Variants in PDGFA observed in about 807,000 individuals in gnomAD.
The protein encoded by PDGFA is platelet derived growth factor subunit A, also known as platelet-derived growth factor subunit A.
PDGFA carries 9 observed loss-of-function variants against 25.6 expected under a neutral mutation model. The observed-to-expected ratio is 0.35, with a 90% CI of 0.21 to 0.61. The LOEUF (loss-of-function observed/expected upper bound fraction) is 0.61. PDGFA is among the 20% of genes least tolerant of loss of function. PDGFA has a pLI of 0.75. For missense variants in PDGFA, 242 were observed against 272.8 expected (o/e 0.89, Z 0.79); for synonymous variants, 133 against 111.8 (o/e 1.19, Z -1.20).
At chr7:511,282 T>A (rs1234973749) in intron 3 of PDGFA, among the ~76,000 whole-genome samples, 625 of 44,092 alleles carry the variant, frequency 0.014, 3 homozygotes, top group Non-Finnish European at 0.02. Context: ...GTGGGGCCAG[T>A]GGCTGGGGGT....
chr7:519,059 A>T (rs890265689), exon 1 of PDGFA: 1 of 1,381,612 alleles, frequency 7.2e-7, no homozygotes, highest in African/African-American at 1.5e-5. Context: ...CGGGCGCTCC[A>T]GCCGGTCTCC....
chr7:518,408 C>A (rs1044515860), intron 1 of PDGFA: 1 of 152,784 alleles, frequency 6.5e-6, no homozygotes, highest in Non-Finnish European at 1.5e-5. Context: ...CAGCTCGCCT[C>A]GCTCAGCCAC....
chr7:520,496 G>C (rs1347424775), upstream of PDGFA: 1 of 152,870 alleles, frequency 6.5e-6, no homozygotes, highest in East Asian at 1.9e-4. Flanking sequence ...CTCCAGTCGG[G>C]GAAAGGGCCT....
chr7:499,719 T>TCCCCCCC (rs1782240124), intron 5 of PDGFA, among the ~76,000 whole-genome samples: 3 of 23,832 alleles, frequency 1.3e-4, no homozygotes, highest in African/African-American at 8.0e-4. Context: ...TATTTTGCCC[T>TCCCCCCC]TCCCCCCCCC....
chr7:510,485 T>C (rs1239017327), intron 4 of PDGFA, among the ~76,000 whole-genome samples: 1 of 105,546 alleles, frequency 9.5e-6, no homozygotes, highest in Non-Finnish European at 1.9e-5. Flanking sequence ...GGCCCCGGGC[T>C]CGGGTGGGGA....
intron 4 of PDGFA, among the ~76,000 whole-genome samples, chr7:501,609 G>C (rs1165608762): frequency 6.6e-6 from 1 of 152,098 alleles, no homozygotes; most frequent in African/African-American, 2.4e-5. Context: ...GTGTGGAAGA[G>C]ATGAGATCTC....
Position 500,380 on chromosome 7 carries a change from G to C in PDGFA, c.580+736C>G. 6.3e-6 allele frequency: 10 copies of C among 1,589,876 alleles called. No homozygotes were observed. The highest frequency in any genetic ancestry group is 5.5e-5 in the South Asian group (5 of 90,596). On this transcript the variant is annotated intron_variant, in intron 5 of 5. Transcript: ENST00000402802. The surrounding 1 kb of genome is among the most constrained non-coding windows in gnomAD (Gnocchi z 5.0). ...CGTGATTTGCTGGTGTGATCAGTCAGTTGCACCTCCCCGCCCTGCAGGACT... is the reference window on the plus strand; with the variant it reads ...CGTGATTTGCTGGTGTGATCAGTCACTTGCACCTCCCCGCCCTGCAGGACT...
In PDGFA at chr7:498,682, C is replaced by G. The variant is rs1583134624; in HGVS notation, c.581-108G>C. On this transcript the variant is annotated intron_variant, in intron 5 of 5. Transcript: ENST00000402802. Reference sequence around the variant, plus strand: ...ACAGGGTGAAAACATTTAACCCAATCAGGGGCACACAGGGATTTCAAGTTT... The same window carrying G: ...ACAGGGTGAAAACATTTAACCCAATGAGGGGCACACAGGGATTTCAAGTTT... The G allele has an allele frequency of 2.1e-5, 20 of 970,348 alleles. No homozygotes were observed. In the East Asian group the frequency reaches 5.2e-4, roughly 25 times the overall value. The allele number at this position is 970,348 out of a possible 1,614,324, so 60.1% of individuals were successfully genotyped here.
At chr7:509,989 G>GC (rs1469387830) in intron 4 of PDGFA, among the ~76,000 whole-genome samples, 1 of 152,052 alleles carries the variant, frequency 6.6e-6, no homozygotes, top group Non-Finnish European at 1.5e-5. Flanking sequence ...AGCCGGGGGG[G>GC]CCCTCCAAAG....
exon 6 of PDGFA, chr7:497,888 A>C (rs1320218462): frequency 7.0e-6 from 1 of 142,054 alleles, no homozygotes; most frequent in Non-Finnish European, 1.5e-5. Flanking sequence ...AAAAAAAAAA[A>C]AAAAGCTAGC....
At chr7:516,047 C>G (rs1783079582) in intron 2 of PDGFA, among the ~76,000 whole-genome samples, 1 of 68,174 alleles carries the variant, frequency 1.5e-5, no homozygotes, top group Admixed American at 1.6e-4. Flanking sequence ...GCAGCCCCCC[C>G]CCCCCACTTT....
At chr7:508,590 T>TAAAAAAAAAAACCC (rs1275774675) in intron 4 of PDGFA, among the ~76,000 whole-genome samples, 2 of 130,896 alleles carry the variant, frequency 1.5e-5, no homozygotes, top group Non-Finnish European at 3.2e-5. Context: ...AAAAAAAAAT[T>TAAAAAAAAAAACCC]CTCAGCTGAG....
intron 4 of PDGFA, among the ~76,000 whole-genome samples, chr7:508,232 CTAAAGT>C (rs1449953679): frequency 3.9e-5 from 6 of 152,008 alleles, no homozygotes; most frequent in Non-Finnish European, 5.9e-5. Flanking sequence ...TAATTCTTTT[CTAAAGT>C]TAAAGAATGG....
chr7:499,146 G>T (rs552472829), intron 5 of PDGFA, among the ~76,000 whole-genome samples: 15 of 152,316 alleles, frequency 9.8e-5, no homozygotes, highest in African/African-American at 3.4e-4. Flanking sequence ...TCTCACCATG[G>T]GGTCTGTCAC....
intron 2 of PDGFA, among the ~76,000 whole-genome samples, chr7:516,615 C>T (rs1783114788): frequency 6.6e-6 from 1 of 152,212 alleles, no homozygotes; most frequent in Non-Finnish European, 1.5e-5. Flanking sequence ...AAGGGGCTCT[C>T]TAGCCCTGAG....
At chr7:515,738 G>T (rs1378728950) in intron 2 of PDGFA, among the ~76,000 whole-genome samples, 1 of 150,492 alleles carries the variant, frequency 6.6e-6, no homozygotes, top group African/African-American at 2.4e-5. Flanking sequence ...ATTTGAAACC[G>T]GCCAGGACTA....
At chr7:503,971 G>A (rs987545186) in intron 4 of PDGFA, among the ~76,000 whole-genome samples, 40 of 152,126 alleles carry the variant, frequency 2.6e-4, no homozygotes, top group Non-Finnish European at 5.4e-4. Context: ...CACTCCCGCG[G>A]CAATCTGCCC....
chr7:501,328 AG>A (rs1346552671), intron 4 of PDGFA, 86 bp from the exon 5 acceptor site: 1 of 1,551,784 alleles, frequency 6.4e-7, no homozygotes, highest in South Asian at 1.1e-5. Flanking sequence ...ACAGGCTGAG[AG>A]GGAGGAGAGA....
exon 5 of PDGFA, chr7:501,119 T>C: frequency 1.2e-6 from 2 of 1,614,224 alleles, no homozygotes; most frequent in Non-Finnish European, 1.7e-6. Context: ...CACTCACCCG[T>C]GTCCTCTTCC....
Sources: allele counts gnomAD v4.1 joint callset (sites outside exome capture counted in the v4.1 genomes callset), GRCh38; gene constraint gnomAD v4.1.1; non-coding constraint Gnocchi (gnomAD v3.1); transcripts MANE v1.5; gene names NCBI Gene and HGNC (gene_info 2026-07-23, HGNC 2026-07-21).